Variants in LRRC7 observed in about 807,000 individuals in gnomAD.
LRRC7 encodes leucine rich repeat containing 7.
Under a neutral mutation model 175.7 loss-of-function variants are expected in LRRC7, and 23 were observed. The observed-to-expected ratio is 0.13, with a 90% CI of 0.09 to 0.19. The LOEUF is 0.19. LRRC7 is among the 10% of genes least tolerant of loss of function. The probability of loss-of-function intolerance (pLI) is 1.00; values close to 1 mark genes in which losing one functional copy is unlikely to be tolerated. For missense variants in LRRC7, 1,354 were observed against 1,904.7 expected, an observed-to-expected ratio of 0.71 and a Z score of 5.38; for synonymous variants, 685 against 680.9, an observed-to-expected ratio of 1.01 and a Z score of -0.09.
At chr1:69,985,517 T>C (rs1032516487) in intron 9 of LRRC7, among the ~76,000 whole-genome samples, 1 of 152,212 alleles carries the variant, frequency 6.6e-6, no homozygotes, top group African/African-American at 2.4e-5. Flanking sequence ...TCACATACCA[T>C]ATACAGTTCC....
In LRRC7 at chr1:70,012,554, C is replaced by T. The variant is rs139275019; in HGVS notation, c.1135-420C>T. On this transcript the variant is annotated intron_variant, in intron 12 of 26. Coordinates refer to ENST00000651989, the MANE Select transcript of LRRC7 (RefSeq NM_001370785.2). ...AGCCAAAACATATTATTAAAAATGA[C>T]GAAAAACACTTTAATGTGAAGCAAA... Among the ~76,000 whole-genome samples, 92 of 151,590 alleles carry T rather than the reference C, an allele frequency of 6.1e-4. 2 individuals are homozygous for T. The East Asian group carries it at 0.014, about 23-fold the overall frequency.
At chr1:70,068,840 C>T (rs927560395) in intron 23 of LRRC7, among the ~76,000 whole-genome samples, 1 of 152,100 alleles carries the variant, frequency 6.6e-6, no homozygotes, top group Admixed American at 6.6e-5. Flanking sequence ...CTCAGCCTCT[C>T]GAGTAGCTAA....
chr1:69,735,036 C>A (rs1268441054), intron 2 of LRRC7, among the ~76,000 whole-genome samples: 1 of 151,806 alleles, frequency 6.6e-6, no homozygotes, highest in Non-Finnish European at 1.5e-5. Flanking sequence ...CAACATTGGG[C>A]CACATTAGTT....
At position 69,635,440 on chromosome 1, in the gene LRRC7, A is replaced by G. The variant is rs568102681; in HGVS notation, c.3-42941A>G. Among the ~76,000 whole-genome samples, 10 of 152,280 alleles carry G rather than the reference A, an allele frequency of 6.6e-5. 1 individual carries two copies. The South Asian group carries it at 2.1e-3, about 32-fold the overall frequency. On this transcript the variant is annotated intron_variant, in intron 1 of 26. Transcript: ENST00000651989. Reference sequence around the variant, plus strand: ...TTGAATTTAAAAGGATAATGCAGTTATTTTGAGAATCTAAAATAGATAATA... The same window carrying G: ...TTGAATTTAAAAGGATAATGCAGTTGTTTTGAGAATCTAAAATAGATAATA...
chr1:70,004,998 G>A lies in LRRC7; in HGVS notation c.1005-6799G>A, dbSNP rs569433653. 5.3e-5 allele frequency among the ~76,000 whole-genome samples: 8 copies of A among 151,622 alleles called. No homozygotes were observed. In the South Asian group the frequency reaches 1.3e-3, roughly 24 times the overall value. ...GAATATCGCAGGACAACTTTTACAC[G>A]CTTCAGAAATAGATTGTTCAAGATT... On this transcript the variant is annotated intron_variant, in intron 11 of 26. Coordinates refer to ENST00000651989, the MANE Select transcript of LRRC7 (RefSeq NM_001370785.2).
intron 1 of LRRC7, among the ~76,000 whole-genome samples, chr1:69,663,718 T>C (rs1326445491): frequency 7.7e-6 from 1 of 129,168 alleles, no homozygotes; most frequent in Non-Finnish European, 1.6e-5. Flanking sequence ...TTTTTTTTTT[T>C]TTTTTTTTTT....
chr1:69,889,319 A>T (rs1356334480), intron 7 of LRRC7, among the ~76,000 whole-genome samples: 1 of 152,196 alleles, frequency 6.6e-6, no homozygotes, highest in Non-Finnish European at 1.5e-5. Context: ...TCTCTTTAAG[A>T]TGCTAAGATT....
At chr1:69,633,266 G>T (rs1004932899) in intron 1 of LRRC7, among the ~76,000 whole-genome samples, 4 of 151,700 alleles carry the variant, frequency 2.6e-5, no homozygotes, top group Non-Finnish European at 5.9e-5. Context: ...TAATTTTCTT[G>T]ATTCCAACAC....
intron 2 of LRRC7, among the ~76,000 whole-genome samples, chr1:69,736,766 T>A (rs1370373303): frequency 6.6e-6 from 1 of 152,146 alleles, no homozygotes. Context: ...TTTCTCTTCT[T>A]TCTCCGTGTT....
chr1:69,661,009 G>T (rs1442447827), intron 1 of LRRC7, among the ~76,000 whole-genome samples: 1 of 151,954 alleles, frequency 6.6e-6, no homozygotes, highest in Non-Finnish European at 1.5e-5. Flanking sequence ...CACAAAAGAA[G>T]CCAGTAGAAG....
intron 8 of LRRC7, among the ~76,000 whole-genome samples, chr1:69,945,886 C>G (rs867445214): frequency 6.6e-6 from 1 of 152,100 alleles, no homozygotes; most frequent in East Asian, 1.9e-4. Context: ...TTAGTGGAAC[C>G]TTTGGGGCTT....
chr1:70,127,612 G>C lies in LRRC7; in HGVS notation c.*5725G>C, dbSNP rs1389367832. On this transcript the variant is annotated 3_prime_UTR_variant, in exon 27 of 27. Coordinates refer to ENST00000651989, the MANE Select transcript of LRRC7 (RefSeq NM_001370785.2). ...GTTGGGTTCTGAGCTCATGCTCTTT[G>C]TAACAACACACTGAGCACTAAGCAA... is the stretch of plus-strand genomic sequence containing the variant. 6.6e-6 allele frequency among the ~76,000 whole-genome samples: 1 copy of C among 152,156 alleles called. No individual in the cohort carries two copies. The highest frequency in any genetic ancestry group is 2.4e-5 in the African/African-American group (1 of 41,440).
At chr1:69,811,239 A>G (rs1011026719) in intron 4 of LRRC7, among the ~76,000 whole-genome samples, 1 of 152,206 alleles carries the variant, frequency 6.6e-6, no homozygotes, top group African/African-American at 2.4e-5. Flanking sequence ...CACATCAGTT[A>G]GAATGGCAAT....
rs573548774 is a variant in LRRC7 at position 69,645,736 on chromosome 1, A to G, written c.3-32645A>G. Among the ~76,000 whole-genome samples the G allele has an allele frequency of 2.0e-5, 3 of 152,218 alleles. No individual in the cohort carries two copies. In the South Asian group the frequency reaches 6.2e-4, roughly 32 times the overall value. On this transcript the variant is annotated intron_variant, in intron 1 of 26. Transcript: ENST00000651989. ...AATTAATAAGTGTATCCTATAGGGCAGAGAAGCCACAAAAAGATATAAAAA... is the reference window on the plus strand; with the variant it reads ...AATTAATAAGTGTATCCTATAGGGCGGAGAAGCCACAAAAAGATATAAAAA...
At chr1:69,669,759 T>A (rs1326806485) in intron 1 of LRRC7, among the ~76,000 whole-genome samples, 1 of 152,278 alleles carries the variant, frequency 6.6e-6, no homozygotes, top group Middle Eastern at 3.4e-3. Flanking sequence ...TTTTTTATTC[T>A]TCTTTCTTTT....
intron 7 of LRRC7, among the ~76,000 whole-genome samples, chr1:69,908,936 T>C (rs1397391938): frequency 5.3e-5 from 8 of 151,940 alleles, no homozygotes. Context: ...AGGACTTGCT[T>C]TATGAGTCTG....
At chr1:69,822,406 G>T (rs555315602) in intron 4 of LRRC7, among the ~76,000 whole-genome samples, 5 of 152,284 alleles carry the variant, frequency 3.3e-5, no homozygotes, top group African/African-American at 1.2e-4. Context: ...CAGTTATGGT[G>T]GTCCACAGGT....
At chr1:69,908,176 C>T (rs957001553) in intron 7 of LRRC7, among the ~76,000 whole-genome samples, 34 of 151,912 alleles carry the variant, frequency 2.2e-4, no homozygotes, top group Middle Eastern at 3.4e-3. Context: ...GTCTTGCTAG[C>T]GGTCTATCAA....
At chr1:70,064,248 T>C (rs996643421) in intron 23 of LRRC7, among the ~76,000 whole-genome samples, 1 of 151,960 alleles carries the variant, frequency 6.6e-6, no homozygotes, top group Admixed American at 6.6e-5. Context: ...GATTTTGGCA[T>C]CAAGCTGGCC....
Sources: allele counts gnomAD v4.1 joint callset (sites outside exome capture counted in the v4.1 genomes callset), GRCh38; gene constraint gnomAD v4.1.1; transcripts MANE v1.5; gene names NCBI Gene and HGNC (gene_info 2026-07-23, HGNC 2026-07-21).